The following ANO2 variants were observed in gnomAD, a reference collection of about 807,000 sequenced individuals.
The protein encoded by ANO2 is anoctamin 2.
Under a neutral mutation model 124.2 loss-of-function variants are expected in ANO2, and 101 were observed. The ratio of observed to expected loss-of-function variants is 0.81; its 90% CI spans 0.69 to 0.96. ANO2 has a LOEUF of 0.96. ANO2 is among the 40% of genes least tolerant of loss of function. ANO2 has a pLI of 0.00. For missense variants in ANO2, 1,293 were observed against 1,274.5 expected (o/e 1.01, Z -0.22); for synonymous variants, 486 against 482.5 (o/e 1.01, Z -0.09).
rs555781425 is a variant in ANO2, at chr12:5,671,462, T to A, written c.1546-23661A>T. On this transcript the variant is annotated intron_variant, in intron 14 of 24. Coordinates refer to ENST00000682330, the MANE Select transcript of ANO2 (RefSeq NM_001364791.2). ...ACAGTACAAAGAAAGAGAGGTTTTCTCATCTCTTCTGCAAAGGAAGGAACT... is the reference window on the plus strand; with the variant it reads ...ACAGTACAAAGAAAGAGAGGTTTTCACATCTCTTCTGCAAAGGAAGGAACT... 2.7e-5 allele frequency among the ~76,000 whole-genome samples: 4 copies of A among 146,164 alleles called. No individual in the cohort carries two copies. In the South Asian group the frequency reaches 6.7e-4, roughly 24 times the overall value.
intron 14 of ANO2, among the ~76,000 whole-genome samples, chr12:5,702,632 T>C (rs973232855): frequency 2.0e-5 from 3 of 151,796 alleles, no homozygotes; most frequent in African/African-American, 7.3e-5. Flanking sequence ...CCGCACTCTA[T>C]ACACAAAAAT....
At position 5,563,330 on chromosome 12, in the gene ANO2, A is replaced by C; in HGVS notation, c.2966T>G (p.Met989Arg). 1 of 1,603,304 alleles carries C rather than the reference A, an allele frequency of 6.2e-7. No homozygotes were observed. Among genetic ancestry groups the C allele is most frequent in the South Asian group, 1.1e-5 (1 of 89,376 alleles). ...ATTGGTGTGCTGAGAGCCTGACGAC[A>C]TCATGCTGCCCAGCTGGCTTTGGCC... The part of the protein sequence containing the change: ...PSGQSQLGSM[M>R]SSGSQHTNV The change falls in exon 25 of 25, where the codon ATG (methionine) becomes AGG (arginine). Residue 989 changes from methionine to arginine, a missense_variant. Transcript: ENST00000682330.
chr12:5,604,467 C>T (rs1316161884), intron 19 of ANO2, among the ~76,000 whole-genome samples: 1 of 152,078 alleles, frequency 6.6e-6, no homozygotes, highest in African/African-American at 2.4e-5. Flanking sequence ...ATGAGCAATG[C>T]CAACTATGGA....
At chr12:5,940,181 T>C (rs1300321479) in intron 1 of ANO2, among the ~76,000 whole-genome samples, 4 of 152,222 alleles carry the variant, frequency 2.6e-5, no homozygotes, top group Admixed American at 2.6e-4. Flanking sequence ...CACATATCGA[T>C]GTTGTCAATT....
intron 23 of ANO2, among the ~76,000 whole-genome samples, chr12:5,573,648 C>G (rs1942248357): frequency 1.3e-5 from 2 of 152,224 alleles, no homozygotes; most frequent in African/African-American, 4.8e-5. Flanking sequence ...AGCCTGGCAG[C>G]AAATCTGCCT....
At position 5,636,145 on chromosome 12, in the gene ANO2, C is replaced by T. The variant is rs769653365; in HGVS notation, c.1621-798G>A. On this transcript the variant is annotated intron_variant, in intron 15 of 24. Coordinates refer to ENST00000682330, the MANE Select transcript of ANO2 (RefSeq NM_001364791.2). This position sits in a 1 kb window ranked among gnomAD's most constrained non-coding sequence, Gnocchi z 4.6. ...TGCTCCAAAAGGAGGGTTATAGCCA[C>T]GTGACCTCTAAGGGTTCCCCTCATT... is the stretch of plus-strand genomic sequence containing the variant. Among the ~76,000 whole-genome samples, 4 of 152,140 alleles carry T rather than the reference C, an allele frequency of 2.6e-5. No individual in the cohort carries two copies. The highest frequency in any genetic ancestry group is 4.1e-4 in the South Asian group (2 of 4,824).
intron 11 of ANO2, among the ~76,000 whole-genome samples, chr12:5,748,916 T>C (rs1951357091): frequency 6.7e-6 from 1 of 148,624 alleles, no homozygotes; most frequent in African/African-American, 2.5e-5. Context: ...CAATTGATAC[T>C]AGAGTTTTAT....
At chr12:5,933,561 T>C (rs1237764506) in intron 1 of ANO2, among the ~76,000 whole-genome samples, 1 of 152,078 alleles carries the variant, frequency 6.6e-6, no homozygotes, top group Non-Finnish European at 1.5e-5. Flanking sequence ...TTCCTAACTG[T>C]TTTTCTGATA....
At chr12:5,934,071 G>A (rs12322098) in intron 1 of ANO2, among the ~76,000 whole-genome samples, 14,894 of 152,214 alleles carry the variant, frequency 0.098, 1,165 homozygotes, top group African/African-American at 0.21. Flanking sequence ...TGCCCTACTA[G>A]TAACAACTAC....
chr12:5,669,071 T>A (rs1282752956), intron 14 of ANO2, among the ~76,000 whole-genome samples: 2 of 151,988 alleles, frequency 1.3e-5, no homozygotes, highest in African/African-American at 4.8e-5. Context: ...TCGTTTCTTC[T>A]AATTCTGTGA....
intron 14 of ANO2, among the ~76,000 whole-genome samples, chr12:5,718,367 G>T (rs1462150774): frequency 6.6e-6 from 1 of 152,200 alleles, no homozygotes; most frequent in East Asian, 1.9e-4. Flanking sequence ...CAAGGCACAG[G>T]AACAGCCCCT....
At chr12:5,942,770 C>A (rs992855511) in intron 1 of ANO2, among the ~76,000 whole-genome samples, 1 of 152,240 alleles carries the variant, frequency 6.6e-6, no homozygotes, top group Non-Finnish European at 1.5e-5. Flanking sequence ...CTAAGAGAGG[C>A]CTTCGCTAAC....
intron 19 of ANO2, among the ~76,000 whole-genome samples, chr12:5,610,022 AT>A (rs1944410840): frequency 7.2e-6 from 1 of 138,334 alleles, no homozygotes; most frequent in African/African-American, 2.7e-5. Context: ...TCTATAATAT[AT>A]TTATATTATA....
chr12:5,763,486 T>G (rs1169963776), intron 10 of ANO2, among the ~76,000 whole-genome samples: 1 of 152,062 alleles, frequency 6.6e-6, no homozygotes, highest in African/African-American at 2.4e-5. Flanking sequence ...CAACTACAAA[T>G]GTATGAGGGT....
At chr12:5,895,152 C>G (rs1005948826) in intron 3 of ANO2, among the ~76,000 whole-genome samples, 9 of 152,096 alleles carry the variant, frequency 5.9e-5, no homozygotes, top group Non-Finnish European at 1.2e-4. Context: ...TTGTTTGTGT[C>G]CTCTCTTATT....
intron 15 of ANO2, among the ~76,000 whole-genome samples, chr12:5,645,844 G>T (rs182408496): frequency 6.6e-6 from 1 of 152,134 alleles, no homozygotes; most frequent in Non-Finnish European, 1.5e-5. Context: ...GAGCACCTGG[G>T]AGCCCTACTA....
intron 7 of ANO2, among the ~76,000 whole-genome samples, chr12:5,821,237 T>C (rs868180241): frequency 1.1e-4 from 17 of 152,310 alleles, no homozygotes; most frequent in South Asian, 2.1e-4. Flanking sequence ...CAGTAAAATT[T>C]CTAGGGGTCC....
chr12:5,759,797 T>TA (rs1161713691), intron 10 of ANO2, among the ~76,000 whole-genome samples: 5 of 151,940 alleles, frequency 3.3e-5, no homozygotes, highest in African/African-American at 1.2e-4. Context: ...ACTATTAACT[T>TA]AGAGTACTAT....
intron 6 of ANO2, among the ~76,000 whole-genome samples, 194 bp from the exon 7 acceptor site, chr12:5,828,014 G>T (rs564032343): frequency 6.6e-6 from 1 of 152,330 alleles, no homozygotes; most frequent in East Asian, 1.9e-4. Context: ...GGAAACAAGG[G>T]ATGTAAGGCC....
Sources: allele counts gnomAD v4.1 joint callset (sites outside exome capture counted in the v4.1 genomes callset), GRCh38; gene constraint gnomAD v4.1.1; non-coding constraint Gnocchi (gnomAD v3.1); transcripts MANE v1.5; gene names NCBI Gene and HGNC (gene_info 2026-07-23, HGNC 2026-07-21).